Variants in GNL3L observed in about 807,000 individuals in gnomAD.
The protein encoded by GNL3L is guanine nucleotide-binding protein-like 3-like protein.
In GNL3L, 4 loss-of-function variants were observed where a neutral mutation model predicts 42.9. The ratio of observed to expected loss-of-function variants is 0.09; its 90% CI spans 0.05 to 0.21. The LOEUF is 0.21. Ranked by LOEUF, GNL3L falls within the 10% of genes least tolerant of loss-of-function variation. The pLI, the probability that GNL3L is intolerant of heterozygous loss-of-function variation, is 1.00. For synonymous variants in GNL3L, 159 were observed against 176.3 expected (o/e 0.90, Z 0.78); for missense variants, 412 against 481.7 (o/e 0.86, Z 1.36).
chrX:54,544,218 C>T lies in GNL3L; in HGVS notation c.527-5C>T, dbSNP rs1198933682. On this transcript the variant is annotated splice_polypyrimidine_tract_variant and splice_region_variant and intron_variant, in intron 7 of 15. Transcript: ENST00000360845. ...CAGCCCCATCTGTTCCTATATTTAC[C>T]CCAGACCTGGTCCCCAAGGAGGTTG... 1 of 1,100,756 alleles carries T rather than the reference C, an allele frequency of 9.1e-7. No homozygotes were observed. The highest frequency in any genetic ancestry group is 1.9e-5 in the South Asian group (1 of 53,811). 90.7% of individuals were successfully genotyped at this position (1,100,756 alleles called of 1,213,427 possible). A position where few individuals can be genotyped will look rare whatever the true frequency, so the allele number is the denominator to read the frequency against.
chrX:54,548,486 C>T (rs1167433979), intron 9 of GNL3L, 113 bp downstream of exon 9: 3 of 590,337 alleles, frequency 5.1e-6, no homozygotes, highest in Non-Finnish European at 8.0e-6. Context: ...AGGAGTGGTT[C>T]AGGAGAAGGG....
At chrX:54,585,255 A>G (rs1193369836) in intron 16 of GNL3L, among the ~76,000 whole-genome samples, 2 of 111,063 alleles carry the variant, frequency 1.8e-5, no homozygotes, top group African/African-American at 6.5e-5. Flanking sequence ...CTGGCTTTTT[A>G]TTGGGGTAAT....
At chrX:54,607,021 TTTCTTTCTTTC>T (rs1926078989) in intron 16 of GNL3L, among the ~76,000 whole-genome samples, 1 of 61,599 alleles carries the variant, frequency 1.6e-5, no homozygotes, top group Non-Finnish European at 2.6e-5. Context: ...TCTTTCTTTC[TTTCTTTCTTTC>T]TTTCTTTCTT....
At chrX:54,538,644 G>A (rs762649458) in intron 2 of GNL3L, among the ~76,000 whole-genome samples, 1 of 111,654 alleles carries the variant, frequency 9.0e-6, no homozygotes, top group East Asian at 2.8e-4. Flanking sequence ...CATACTGAGG[G>A]CATCTGCCCA....
At chrX:54,594,546 T>A (rs1302390159) in intron 16 of GNL3L, among the ~76,000 whole-genome samples, 7 of 108,094 alleles carry the variant, frequency 6.5e-5, no homozygotes, top group African/African-American at 2.4e-4. Context: ...TGGGCCTTTT[T>A]TTTTTTTTAA....
chrX:54,642,796 A>G, the GNL3L span, among the ~76,000 whole-genome samples: 75 of 111,848 alleles, frequency 6.7e-4, no homozygotes, highest in Non-Finnish European at 1.7e-4. Context: ...TTGCTCATTT[A>G]TGTAATTGTT....
chrX:54,626,538 A>G, the GNL3L span, among the ~76,000 whole-genome samples: 2 of 111,896 alleles, frequency 1.8e-5, no homozygotes, highest in African/African-American at 6.5e-5. Flanking sequence ...CTTTGGATAA[A>G]TAATCTGGAG....
intron 16 of GNL3L, among the ~76,000 whole-genome samples, chrX:54,578,841 A>G (rs752764924): frequency 1.8e-5 from 2 of 112,498 alleles, no homozygotes; most frequent in Non-Finnish European, 3.8e-5. Flanking sequence ...GCAAAAATGT[A>G]TGGGAGTTCC....
chrX:54,566,595 T>C lies in GNL3L; in HGVS notation c.*5993T>C, dbSNP rs1196319791. On this transcript the variant is annotated 3_prime_UTR_variant, in exon 16 of 16. Transcript: ENST00000360845. ...GACTGGCTTATTTCACTTTGCATAATGTATTCAAGCTTAATCTGTGTTGTA... is the reference window on the plus strand; with the variant it reads ...GACTGGCTTATTTCACTTTGCATAACGTATTCAAGCTTAATCTGTGTTGTA... Among the ~76,000 whole-genome samples, 13 of 112,662 alleles carry C rather than the reference T, an allele frequency of 1.2e-4. No homozygotes were observed. In the East Asian group the frequency reaches 2.5e-3, roughly 22 times the overall value.
intron 16 of GNL3L, among the ~76,000 whole-genome samples, chrX:54,572,676 C>CG (rs918648511): frequency 9.2e-6 from 1 of 108,639 alleles, no homozygotes; most frequent in Admixed American, 9.6e-5. Context: ...GCTGGCCTGG[C>CG]GGGGGGCTGA....
intron 16 of GNL3L, among the ~76,000 whole-genome samples, chrX:54,592,941 T>C (rs763955908): frequency 1.8e-4 from 20 of 112,241 alleles, no homozygotes; most frequent in Non-Finnish European, 3.2e-4. Flanking sequence ...TTGCATATGT[T>C]GAACCATCCT....
intron 16 of GNL3L, among the ~76,000 whole-genome samples, chrX:54,580,531 G>C (rs1266308314): frequency 9.1e-6 from 1 of 110,477 alleles, no homozygotes; most frequent in Non-Finnish European, 1.9e-5. Context: ...GGGATGGCTG[G>C]GTCAAATGGT....
At chrX:54,590,933 C>T (rs768754476) in intron 16 of GNL3L, among the ~76,000 whole-genome samples, 4 of 110,453 alleles carry the variant, frequency 3.6e-5, no homozygotes, top group South Asian at 7.7e-4. Flanking sequence ...TGGGTTCAAG[C>T]GATTCTCCTG....
At chrX:54,617,411 T>C (rs1011946043) in intron 16 of GNL3L, among the ~76,000 whole-genome samples, 13 of 111,954 alleles carry the variant, frequency 1.2e-4, no homozygotes, top group Admixed American at 1.0e-3. Context: ...TCTACTATAA[T>C]TGCATCTACC....
At chrX:54,619,337 G>T (rs901718416) in intron 16 of GNL3L, among the ~76,000 whole-genome samples, 5 of 111,248 alleles carry the variant, frequency 4.5e-5, no homozygotes, top group African/African-American at 1.6e-4. Context: ...GACATGGAAA[G>T]ATGATGACAA....
rs192954704 is a variant in GNL3L at position 54,618,732 on chromosome X, A to C, written c.*46-2113A>C. Among the ~76,000 whole-genome samples, 450 of 110,453 alleles carry C rather than the reference A, an allele frequency of 4.1e-3. 4 individuals carry two copies. Among genetic ancestry groups the C allele is most frequent in the African/African-American group, 0.014 (437 of 30,352 alleles). On this transcript the variant is annotated intron_variant, in intron 16 of 16. Transcript: ENST00000674498. ...CAACATAGTGAGACACCATCTCTGCAAAAAAATTTAAAAAAATTGCCAAAC... is the reference window on the plus strand; with the variant it reads ...CAACATAGTGAGACACCATCTCTGCCAAAAAATTTAAAAAAATTGCCAAAC...
downstream of GNL3L, among the ~76,000 whole-genome samples, chrX:54,567,455 T>C (rs1925465796): frequency 9.1e-6 from 1 of 110,185 alleles, no homozygotes; most frequent in Admixed American, 9.8e-5. Context: ...GAGACCAGTC[T>C]GACCAACATG....
chrX:54,542,026 T>C (rs1924636770), intron 5 of GNL3L, among the ~76,000 whole-genome samples: 1 of 111,810 alleles, frequency 8.9e-6, no homozygotes, highest in Non-Finnish European at 1.9e-5. Flanking sequence ...TCTGTCCATT[T>C]TTCTTCCAGT....
chrX:54,550,104 A>T (rs1253763120), intron 9 of GNL3L, among the ~76,000 whole-genome samples: 1 of 110,065 alleles, frequency 9.1e-6, no homozygotes, highest in Non-Finnish European at 1.9e-5. Context: ...AGGTGCTTAG[A>T]TACAGAGACA....
Sources: allele counts gnomAD v4.1 joint callset (sites outside exome capture counted in the v4.1 genomes callset), GRCh38; gene constraint gnomAD v4.1.1; transcripts MANE v1.5; gene names NCBI Gene and HGNC (gene_info 2026-07-23, HGNC 2026-07-21).